CIC: variants seen among roughly 807,000 people sequenced by gnomAD.
CIC encodes the protein protein capicua homolog.
In CIC, 18 loss-of-function variants were observed where a neutral mutation model predicts 115.7. That is an observed-to-expected ratio of 0.16 (90% confidence interval 0.11 to 0.23). The LOEUF (loss-of-function observed/expected upper bound fraction) is 0.23, where lower values mean the gene tolerates loss of function less well. CIC is among the 10% of genes least tolerant of loss of function. The pLI, the probability that CIC is intolerant of heterozygous loss-of-function variation, is 1.00. For missense variants in CIC, 2,000 were observed against 2,159.3 expected, an observed-to-expected ratio of 0.93 and a Z score of 1.46; for synonymous variants, 1,076 against 923.0, an observed-to-expected ratio of 1.17 and a Z score of -3.01.
rs1408489439 is a variant in CIC, at chr19:42,289,177, G to A, written c.3862-4G>A. On this transcript the variant is annotated splice_region_variant and splice_polypyrimidine_tract_variant and intron_variant, in intron 8 of 20. Transcript: ENST00000681038. ...CTGAACCCTCTCTGCCACCTATCCTGCAGATGGTGTCTGGCCCTGCATCGT... is the reference window on the plus strand; with the variant it reads ...CTGAACCCTCTCTGCCACCTATCCTACAGATGGTGTCTGGCCCTGCATCGT... 1.2e-6 allele frequency: 2 copies of A among 1,613,256 alleles called. No homozygotes were observed. Among genetic ancestry groups the A allele is most frequent in the South Asian group, 2.2e-5 (2 of 91,082 alleles).
At chr19:42,284,013 A>C (rs1318339932) in intron 2 of CIC, 2 of 115,244 alleles carry the variant, frequency 1.7e-5, no homozygotes, top group Non-Finnish European at 3.9e-5. Flanking sequence ...GAAGCGGGGA[A>C]GGGGCGGGGG....
In CIC at chr19:42,294,005, C is replaced by T. The variant is rs2147339808; in HGVS notation, c.6838C>T (p.Leu2280=). The change falls in exon 18 of 21, where the codon CTG becomes TTG. Residue 2280 remains leucine (L), a synonymous_variant. Transcript: ENST00000681038. ...GCCTGAGTTTCGGCCTGAGGAGGTGCTGCCCTCCCCCACCCTGCAGTCTCT... is the reference window on the plus strand; with the variant it reads ...GCCTGAGTTTCGGCCTGAGGAGGTGTTGCCCTCCCCCACCCTGCAGTCTCT... ...ELPEFRPEEV[L]PSPTLQSLAT... The T allele has an allele frequency of 6.2e-7, 1 of 1,613,594 alleles. No individual in the cohort carries two copies. The highest frequency in any genetic ancestry group is 8.5e-7 in the Non-Finnish European group (1 of 1,179,996).
Position 42,280,679 on chromosome 19 carries a change from G to C in CIC, c.2795-6092G>C, listed in dbSNP as rs988254503. On this transcript the variant is annotated intron_variant, in intron 2 of 20. Coordinates refer to ENST00000681038, the MANE Select transcript of CIC (RefSeq NM_001386298.1). The surrounding 1 kb of genome is among the most constrained non-coding windows in gnomAD (Gnocchi z 4.9). ...TGTCAGGCCGGCCGGGCACCCGTCC[G>C]CCCTCCCTGCACAAAGCGGCTTTGT... Among the ~76,000 whole-genome samples the C allele has an allele frequency of 6.6e-6, 1 of 152,074 alleles. No homozygotes were observed. Among genetic ancestry groups the C allele is most frequent in the Non-Finnish European group, 1.5e-5 (1 of 67,972 alleles).
At position 42,292,576 on chromosome 19, in the gene CIC, C is replaced by G. The variant is rs2147305773; in HGVS notation, c.5913C>G (p.Ala1971=). ...FVQPLLSAGQ[A]PLLAPGQVGV... ...TTCTCTGTCTTTCAGCAGGCCAAGCCCCACTGCTGGCTCCCGGTCAGGTGG... is the reference window on the plus strand; with the variant it reads ...TTCTCTGTCTTTCAGCAGGCCAAGCGCCACTGCTGGCTCCCGGTCAGGTGG... The change falls in exon 15 of 21, where the codon GCC becomes GCG. Residue 1971 remains alanine, a synonymous_variant. Transcript: ENST00000681038. 1.2e-6 allele frequency: 2 copies of G among 1,613,242 alleles called. No individual in the cohort carries two copies. The highest frequency in any genetic ancestry group is 4.5e-5 in the East Asian group (2 of 44,864).
Position 42,273,379 on chromosome 19 carries a change from G to A in CIC, c.1596G>A (p.Met532Ile), listed in dbSNP as rs1192947584. ...ACCTGTCCATGCGAACCAAAGAGAT[G>A]GAAGGCCTGGCAGACAGTGGGCCTG... ...SRHLSMRTKE[M>I]EGLADSGPGG... The change falls in exon 2 of 21, where the codon ATG becomes ATA. Residue 532 changes from methionine to isoleucine, a missense_variant. Transcript: ENST00000681038. 2.5e-6 allele frequency: 1 copy of A among 398,368 alleles called. No homozygotes were observed. Among genetic ancestry groups the A allele is most frequent in the African/African-American group, 2.1e-5 (1 of 48,634 alleles). The allele number at this position is 398,368 out of a possible 1,614,324, so 24.7% of individuals were successfully genotyped here.
intron 7 of CIC, 112 bp from the exon 8 acceptor site, chr19:42,288,776 A>G (rs1303764123): frequency 3.1e-6 from 3 of 973,860 alleles, no homozygotes; most frequent in Non-Finnish European, 3.2e-6. Flanking sequence ...AGTGGCCCAG[A>G]AATTCCAGCC....
chr19:42,285,213 G>A (rs949837096), intron 2 of CIC, among the ~76,000 whole-genome samples: 1 of 152,076 alleles, frequency 6.6e-6, no homozygotes, highest in Non-Finnish European at 1.5e-5. Flanking sequence ...CAGAGAGCGC[G>A]ACACCTAAGA....
upstream of CIC, chr19:42,268,537 G>GTGCCGC (rs1405932367): frequency 2.6e-5 from 4 of 152,200 alleles, no homozygotes; most frequent in African/African-American, 9.7e-5. Context: ...CCTCCCCCTC[G>GTGCCGC]TGCCGCTACC....
chr19:42,292,704 C>T lies in CIC; in HGVS notation c.6041C>T (p.Ser2014Leu). 1.2e-6 allele frequency: 2 copies of T among 1,613,898 alleles called. No homozygotes were observed. Among genetic ancestry groups the T allele is most frequent in the Non-Finnish European group, 8.5e-7 (1 of 1,179,970 alleles). The change falls in exon 15 of 21, where the codon TCA becomes TTA. Residue 2014 changes from serine to leucine, a missense_variant. By Grantham distance (145) the Ser-to-Leu change is moderately radical (BLOSUM62 -2). This residue lies in a region of CIC where 1,466 missense variants were observed against 1,390.4 expected (regional missense o/e 1.05). Transcript: ENST00000681038. ...TCTGGCAGCCCTGCACCCACCTCCT[C>T]AGCACCCCTGGCCCAGCCATCCCAG... is the stretch of plus-strand genomic sequence containing the variant. ...FYSGSPAPTS[S>L]APLAQPSQAP... is the part of the protein sequence containing the mutation.
intron 2 of CIC, chr19:42,284,656 G>A (rs2147137308): frequency 6.9e-7 from 1 of 1,439,208 alleles, no homozygotes; most frequent in Non-Finnish European, 9.4e-7. Flanking sequence ...GAGCGGCGTC[G>A]GCCGCTGAGG....
At chr19:42,289,763 G>C in intron 9 of CIC, 85 bp from the exon 10 acceptor site, 1 of 1,206,752 alleles carries the variant, frequency 8.3e-7, no homozygotes. Context: ...GTTTGGAGCA[G>C]AGCTGAGATC....
chr19:42,273,438 G>A lies in CIC; in HGVS notation c.1655G>A (p.Arg552His), dbSNP rs1052081110. 12 of 398,356 alleles carry A rather than the reference G, an allele frequency of 3.0e-5. No individual in the cohort carries two copies. Among genetic ancestry groups the A allele is most frequent in the East Asian group, 7.1e-5 (2 of 28,066 alleles). 24.7% of individuals were successfully genotyped at this position (398,356 alleles called of 1,614,324 possible). The change falls in exon 2 of 21, where the codon CGT becomes CAT. Residue 552 changes from arginine (R) to histidine (H), a missense_variant. Physicochemically the swap from Arg to His is conservative, Grantham distance 29. This residue lies in a region of CIC where 222 missense variants were observed against 247.7 expected (regional missense o/e 0.90). Coordinates refer to ENST00000681038, the MANE Select transcript of CIC (RefSeq NM_001386298.1). ...GGCCGGCCCGCGGCCGTGGCAGCCC[G>A]TGAGGGCAGCACGGAGTTTGACTGG... ...GAGRPAAVAA[R>H]EGSTEFDWGD... is the part of the protein sequence containing the mutation.
At chr19:42,293,414 C>T (rs571359237) in intron 16 of CIC, 133 bp downstream of exon 16, 1 of 1,340,418 alleles carries the variant, frequency 7.5e-7, no homozygotes, top group Non-Finnish European at 1.0e-6. Context: ...TCTGTCCCTT[C>T]TGCCTGCCTG....
At chr19:42,283,336 G>A (rs1366595308) in intron 2 of CIC, among the ~76,000 whole-genome samples, 1 of 152,086 alleles carries the variant, frequency 6.6e-6, no homozygotes, top group East Asian at 1.9e-4. Context: ...GCGGGTTGGC[G>A]AAGCATGTGT....
In CIC at chr19:42,293,121, C is replaced by G. The variant is rs1321845879; in HGVS notation, c.6362C>G (p.Pro2121Arg). ...PAPRQPLEPG[P>R]VREPTAPESE... ...CCCCGGCAGCCTCTGGAGCCTGGCCCAGTCCGAGAGCCAACTGCCCCAGAG... is the reference window on the plus strand; with the variant it reads ...CCCCGGCAGCCTCTGGAGCCTGGCCGAGTCCGAGAGCCAACTGCCCCAGAG... Residue 2121 changes from proline (P) to arginine (R), a missense_variant, in exon 16 of 21, where the codon CCA becomes CGA. By Grantham distance (103) the Pro-to-Arg change is moderately radical. Transcript: ENST00000681038. 6.2e-7 allele frequency: 1 copy of G among 1,608,850 alleles called. No individual in the cohort carries two copies. Among genetic ancestry groups the G allele is most frequent in the African/African-American group, 1.3e-5 (1 of 75,004 alleles).
At chr19:42,284,874 C>G (rs1408151855) in intron 2 of CIC, 12 of 1,039,578 alleles carry the variant, frequency 1.2e-5, no homozygotes, top group Non-Finnish European at 1.7e-5. Flanking sequence ...ACAGTAGAGG[C>G]AGAGTAAAGG....
Position 42,291,415 on chromosome 19 carries a change from A to T in CIC, c.5374A>T (p.Thr1792Ser), listed in dbSNP as rs537253892. ...CAAAGTCCTGGCTGCCACTGCACCC[A>T]CTCCTGGCATCCCCATCCTGCAGTC... is the stretch of plus-strand genomic sequence containing the variant. Reference protein sequence around the residue: ...NGKVLAATAPTPGIPILQSVP... With the variant: ...NGKVLAATAPSPGIPILQSVP... The change falls in exon 11 of 21, where the codon ACT (threonine) becomes TCT (serine). Residue 1792 changes from threonine to serine, a missense_variant. By Grantham distance (58) the Thr-to-Ser change is moderately conservative (BLOSUM62 1). Around this residue, in one of 8 missense-constraint regions of CIC, gnomAD observed 1,466 missense variants for 1,390.4 expected, o/e 1.05. Coordinates refer to ENST00000681038, the MANE Select transcript of CIC (RefSeq NM_001386298.1). 1 of 1,611,966 alleles carries T rather than the reference A, an allele frequency of 6.2e-7. No individual in the cohort carries two copies. The highest frequency in any genetic ancestry group is 2.2e-5 in the East Asian group (1 of 44,834).
In CIC at chr19:42,295,006, GC is replaced by G; in HGVS notation, c.7374del (p.Thr2459LeufsTer70). 1 of 1,581,926 alleles carries G rather than the reference GC, an allele frequency of 6.3e-7. No homozygotes were observed. ...CCCCACTGGCACCGCTGCTGCCCCT[GC>G]CCCCACTCCCAGCCCCGCAGGGGGC... ...PPPTGTAAAPAPTPSPAGGPD... is the reference protein window; with the variant it reads ...PPPTGTAAAPXPTPSPAGGPD... On this transcript the variant is annotated frameshift_variant, in exon 21 of 21. Transcript: ENST00000681038. LOFTEE classifies it high-confidence loss of function.
rs141544536 is a variant in CIC, at chr19:42,287,928, C to T, written c.3611C>T (p.Thr1204Met). The T allele has an allele frequency of 2.7e-4, 440 of 1,606,952 alleles. No homozygotes were observed. Among genetic ancestry groups the T allele is most frequent in the Non-Finnish European group, 3.4e-4 (396 of 1,177,096 alleles). ...GGGCTGGCAGGAGGGCACAAGGAGA[C>T]GCGGGAGCGGAGCATGTCGGAGACG... Reference protein sequence around the residue: ...SLGLAGGHKETRERSMSETGT... With the variant: ...SLGLAGGHKEMRERSMSETGT... The change falls in exon 7 of 21, where the codon ACG (threonine) becomes ATG (methionine). Residue 1204 changes from threonine (T) to methionine (M), a missense_variant. By Grantham distance (81) the Thr-to-Met change is moderately conservative (BLOSUM62 -1). Transcript: ENST00000681038. The surrounding 1 kb of genome is among the most constrained non-coding windows in gnomAD (Gnocchi z 8.7).
Sources: gnomAD v4.1 joint callset for allele counts (sites outside exome capture counted in the v4.1 genomes callset) on GRCh38, gnomAD v4.1.1 for gene constraint, gnomAD v4.1.1 regional missense constraint, Gnocchi (gnomAD v3.1) non-coding constraint, MANE v1.5 for transcripts, NCBI Gene and HGNC (gene_info 2026-07-23, HGNC 2026-07-21) for gene names.